The following STK32B variants were observed in gnomAD, a reference collection of about 807,000 sequenced individuals.
The protein encoded by STK32B is serine/threonine-protein kinase 32B.
In STK32B, 43 loss-of-function variants were observed where a neutral mutation model predicts 52.6. That is an observed-to-expected ratio of 0.82 (90% CI 0.64 to 1.05). STK32B has a LOEUF of 1.05. Among genes scored for constraint, STK32B ranks in the 50% least tolerant of loss-of-function variants. STK32B has a pLI of 0.00. For synonymous variants in STK32B, 238 were observed against 204.3 expected, an observed-to-expected ratio of 1.17 and a Z score of -1.41; for missense variants, 621 against 534.6, an observed-to-expected ratio of 1.16 and a Z score of -1.59.
intron 11 of STK32B, among the ~76,000 whole-genome samples, chr4:5,483,845 A>G (rs1274559521): frequency 6.6e-6 from 1 of 151,712 alleles, no homozygotes; most frequent in African/African-American, 2.4e-5. Context: ...TTCGTTGTGT[A>G]CCCAGCAGTC....
chr4:5,372,032 A>G (rs556622109), intron 4 of STK32B, among the ~76,000 whole-genome samples: 1 of 152,360 alleles, frequency 6.6e-6, no homozygotes, highest in Admixed American at 6.5e-5. Flanking sequence ...TGTGGGCTGC[A>G]TTGGTCACAC....
chr4:5,350,337 A>T (rs182144632), intron 4 of STK32B, among the ~76,000 whole-genome samples: 10 of 152,280 alleles, frequency 6.6e-5, no homozygotes, highest in Admixed American at 5.9e-4. Flanking sequence ...ATAAAGGAGA[A>T]ATAAAGTCTT....
chr4:5,424,332 CA>C (rs1240120657), intron 6 of STK32B, among the ~76,000 whole-genome samples: 2 of 152,156 alleles, frequency 1.3e-5, no homozygotes, highest in Non-Finnish European at 2.9e-5. Context: ...AGTGGGTCCC[CA>C]TGAAGCCCCA....
At chr4:5,415,718 G>C (rs1359872597) in intron 5 of STK32B, among the ~76,000 whole-genome samples, 1 of 152,188 alleles carries the variant, frequency 6.6e-6, no homozygotes, top group African/African-American at 2.4e-5. Flanking sequence ...TGGCTGAGCA[G>C]CTTGCTCACA....
intron 3 of STK32B, among the ~76,000 whole-genome samples, chr4:5,314,192 A>G (rs1316474851): frequency 6.6e-6 from 1 of 152,216 alleles, no homozygotes; most frequent in Non-Finnish European, 1.5e-5. Flanking sequence ...AATCAAGACA[A>G]TGTGGTATTA....
chr4:5,496,344 C>A (rs1484330999), intron 11 of STK32B, among the ~76,000 whole-genome samples: 1 of 152,176 alleles, frequency 6.6e-6, no homozygotes, highest in South Asian at 2.1e-4. Context: ...GCTGTGCTAG[C>A]AATCAGCGAG....
chr4:5,287,440 T>G (rs1445227852), intron 3 of STK32B, among the ~76,000 whole-genome samples: 1 of 148,386 alleles, frequency 6.7e-6, no homozygotes, highest in Admixed American at 6.6e-5. Context: ...TCTTCAAGCC[T>G]TTTGCCCATT....
intron 3 of STK32B, among the ~76,000 whole-genome samples, chr4:5,326,049 A>C (rs1731853638): frequency 6.6e-6 from 1 of 152,160 alleles, no homozygotes; most frequent in African/African-American, 2.4e-5. Flanking sequence ...TTCTCTTAGC[A>C]TTTTGATTTT....
rs115179319 is a variant in STK32B at position 5,268,442 on chromosome 4, C to T, written c.261-62778C>T. Among the ~76,000 whole-genome samples, 854 of 152,194 alleles carry T rather than the reference C, an allele frequency of 5.6e-3. 5 individuals are homozygous for T. The highest frequency in any genetic ancestry group is 0.019 in the African/African-American group (785 of 41,522). ...CTCAAATCCTTATTTATCAGAGACA[C>T]ATTCCTTGACTAATGTTTGTCCGGC... On this transcript the variant is annotated intron_variant, in intron 3 of 11. Coordinates refer to ENST00000282908, the MANE Select transcript of STK32B (RefSeq NM_018401.3).
chr4:5,245,373 C>A (rs1258743982), intron 3 of STK32B, among the ~76,000 whole-genome samples: 2 of 152,138 alleles, frequency 1.3e-5, no homozygotes, highest in Non-Finnish European at 2.9e-5. Flanking sequence ...GGTTTAAAGT[C>A]TGTTTTATCA....
chr4:5,425,933 C>T (rs771373827), intron 6 of STK32B, among the ~76,000 whole-genome samples: 1 of 152,150 alleles, frequency 6.6e-6, no homozygotes, highest in Middle Eastern at 3.2e-3. Context: ...TTGAGATTTA[C>T]TCATGACGTG....
intron 1 of STK32B, among the ~76,000 whole-genome samples, chr4:5,090,438 C>A (rs1713012372): frequency 7.5e-6 from 1 of 133,542 alleles, no homozygotes; most frequent in African/African-American, 2.7e-5. Flanking sequence ...TGCAGTGGCA[C>A]AATCTTGGCT....
intron 1 of STK32B, among the ~76,000 whole-genome samples, chr4:5,110,768 T>C (rs1714361844): frequency 6.6e-6 from 1 of 151,912 alleles, no homozygotes; most frequent in South Asian, 2.1e-4. Context: ...AAATGGGACT[T>C]AATTAAACTA....
intron 4 of STK32B, among the ~76,000 whole-genome samples, chr4:5,360,494 G>A (rs549145496): frequency 5.7e-4 from 87 of 152,296 alleles, no homozygotes; most frequent in African/African-American, 1.8e-3. Context: ...AGAATAGACC[G>A]TGTGTGCGCT....
chr4:5,075,411 T>G (rs1197286100), intron 1 of STK32B, among the ~76,000 whole-genome samples: 1 of 152,204 alleles, frequency 6.6e-6, no homozygotes, highest in African/African-American at 2.4e-5. Context: ...TTATTCACTT[T>G]TTTATATGTC....
intron 1 of STK32B, among the ~76,000 whole-genome samples, chr4:5,109,965 A>G (rs935756314): frequency 9.9e-5 from 15 of 152,082 alleles, no homozygotes; most frequent in Admixed American, 2.0e-4. Context: ...CCATTTCTGT[A>G]TATCAATAAC....
chr4:5,383,032 C>T (rs921275388), intron 4 of STK32B, among the ~76,000 whole-genome samples: 1 of 152,186 alleles, frequency 6.6e-6, no homozygotes, highest in Non-Finnish European at 1.5e-5. Context: ...AATATTAATT[C>T]ACCGGAAAGG....
chr4:5,359,378 A>ACCACTCAT (rs1476033925), intron 4 of STK32B, among the ~76,000 whole-genome samples: 5 of 123,084 alleles, frequency 4.1e-5, no homozygotes, highest in African/African-American at 1.0e-4. Context: ...CACTCATCCA[A>ACCACTCAT]CCCTCCCTCC....
At chr4:5,267,845 A>C (rs1040858013) in intron 3 of STK32B, among the ~76,000 whole-genome samples, 1 of 152,198 alleles carries the variant, frequency 6.6e-6, no homozygotes, top group Non-Finnish European at 1.5e-5. Flanking sequence ...TGAATCCTTC[A>C]TCTGTTCCTC....
Sources: allele counts gnomAD v4.1 joint callset (sites outside exome capture counted in the v4.1 genomes callset), GRCh38; gene constraint gnomAD v4.1.1; transcripts MANE v1.5; gene names NCBI Gene and HGNC (gene_info 2026-07-23, HGNC 2026-07-21).